SORCS1: variants seen among roughly 807,000 people sequenced by gnomAD.
SORCS1 encodes the protein VPS10 domain-containing receptor SorCS1.
Under a neutral mutation model 146.1 loss-of-function variants are expected in SORCS1, and 60 were observed. That is an observed-to-expected ratio of 0.41 (90% CI 0.33 to 0.51). SORCS1 has a LOEUF of 0.51. Ranked by LOEUF, SORCS1 falls within the 20% of genes least tolerant of loss-of-function variation. The pLI, the probability that SORCS1 is intolerant of heterozygous loss-of-function variation, is 0.21. For synonymous variants in SORCS1, 637 were observed against 584.0 expected, an observed-to-expected ratio of 1.09 and a Z score of -1.31; for missense variants, 1,352 against 1,487.6, an observed-to-expected ratio of 0.91 and a Z score of 1.50.
At chr10:106,630,849 A>T (rs1848399245) in intron 18 of SORCS1, among the ~76,000 whole-genome samples, 1 of 121,728 alleles carries the variant, frequency 8.2e-6, no homozygotes, top group Admixed American at 8.0e-5. Context: ...CCAGACCTGT[A>T]AAAAAAAAAA....
intron 10 of SORCS1, among the ~76,000 whole-genome samples, chr10:106,685,572 G>A (rs868134453): frequency 2.6e-5 from 4 of 152,074 alleles, no homozygotes; most frequent in African/African-American, 9.7e-5. Flanking sequence ...AAAGAGAAGG[G>A]CATTTTAAGA....
intron 3 of SORCS1, among the ~76,000 whole-genome samples, chr10:106,787,280 T>C (rs561918201): frequency 6.6e-6 from 1 of 152,290 alleles, no homozygotes; most frequent in African/African-American, 2.4e-5. Context: ...GGATACTTAG[T>C]GTTCCCTTCA....
intron 21 of SORCS1, among the ~76,000 whole-genome samples, chr10:106,613,265 A>G (rs539330604): frequency 6.6e-6 from 1 of 152,258 alleles, no homozygotes; most frequent in South Asian, 2.1e-4. Flanking sequence ...CAAGGATTAT[A>G]TGAGGGGAAT....
intron 1 of SORCS1, among the ~76,000 whole-genome samples, chr10:106,958,131 G>C (rs1589792858): frequency 6.6e-6 from 1 of 152,194 alleles, no homozygotes; most frequent in Non-Finnish European, 1.5e-5. Flanking sequence ...CACTTGCGAA[G>C]ATTCCACAGA....
intron 1 of SORCS1, among the ~76,000 whole-genome samples, chr10:107,010,507 C>A (rs1206491634): frequency 6.6e-6 from 1 of 152,064 alleles, no homozygotes; most frequent in Non-Finnish European, 1.5e-5. Flanking sequence ...AGTTAAACAT[C>A]CTGCATCGGT....
Position 106,989,696 on chromosome 10 carries a change from T to G in SORCS1, c.559-33116A>C, listed in dbSNP as rs541312869. 7.3e-4 allele frequency among the ~76,000 whole-genome samples: 98 copies of G among 134,054 alleles called. 3 individuals are homozygous for G. In the South Asian group the frequency reaches 0.012, roughly 16 times the overall value. The allele number at this position is 134,054 out of a possible 152,430, so 87.9% of individuals were successfully genotyped here. On this transcript the variant is annotated intron_variant, in intron 1 of 25. Coordinates refer to ENST00000263054, the MANE Select transcript of SORCS1 (RefSeq NM_052918.5). ...TTTTTTTTTGTTTTTTTTTTTTTTT[T>G]TTTTTTCTGAGATGGAGTCTCACTC...
intron 2 of SORCS1, among the ~76,000 whole-genome samples, chr10:106,912,396 T>C (rs1016725331): frequency 2.6e-5 from 4 of 152,226 alleles, no homozygotes; most frequent in African/African-American, 4.8e-5. Context: ...ATTTCTTACA[T>C]GGGAAGATCT....
chr10:106,904,337 A>T (rs77319281), intron 2 of SORCS1, among the ~76,000 whole-genome samples: 2 of 152,258 alleles, frequency 1.3e-5, no homozygotes, highest in Non-Finnish European at 2.9e-5. Context: ...ATCAAGACAC[A>T]TAAGGGCCTT....
intron 4 of SORCS1, among the ~76,000 whole-genome samples, chr10:106,774,962 C>T (rs546471143): frequency 6.6e-6 from 1 of 152,316 alleles, no homozygotes; most frequent in African/African-American, 2.4e-5. Context: ...GAAACCAACG[C>T]TAAATACTAT....
At chr10:107,105,728 T>A (rs1037199595) in intron 1 of SORCS1, among the ~76,000 whole-genome samples, 2 of 149,762 alleles carry the variant, frequency 1.3e-5, no homozygotes, top group African/African-American at 4.9e-5. Context: ...CCCACCCAGA[T>A]TGAGGGTGGG....
chr10:107,133,917 C>G (rs1344829876), intron 1 of SORCS1, among the ~76,000 whole-genome samples: 2 of 152,344 alleles, frequency 1.3e-5, no homozygotes, highest in East Asian at 3.9e-4. Flanking sequence ...GTCCTTTACA[C>G]TGTGTCAAAA....
intron 1 of SORCS1, among the ~76,000 whole-genome samples, chr10:106,978,772 T>C (rs1215646004): frequency 6.8e-6 from 1 of 147,904 alleles, no homozygotes; most frequent in Admixed American, 6.9e-5. Context: ...CACTCCAGCC[T>C]GGGCGACAGA....
chr10:106,713,451 A>ACCTAAATCTCCTCTTCAGAGGT (rs377220475), intron 6 of SORCS1, among the ~76,000 whole-genome samples: 3,442 of 152,244 alleles, frequency 0.023, 114 homozygotes, highest in African/African-American at 0.07. Context: ...TTTCCTTAAG[A>ACCTAAATCTCCTCTTCAGAGGT]CCCTGTACAA....
intron 1 of SORCS1, among the ~76,000 whole-genome samples, chr10:107,132,956 G>A (rs1330886812): frequency 2.0e-5 from 3 of 152,152 alleles, no homozygotes; most frequent in African/African-American, 7.2e-5. Flanking sequence ...GGAAGAGTCA[G>A]AGCAATTTTG....
rs200816729 is a variant in SORCS1, at chr10:106,976,209, CTGTT to C, written c.559-19633_559-19630del. Among the ~76,000 whole-genome samples the C allele has an allele frequency of 4.0e-3, 582 of 146,518 alleles. 29 individuals carry two copies. The East Asian group carries it at 0.09, about 23-fold the overall frequency. ...TTGACAGGGAAATCTGTTGCTTCAT[CTGTT>C]TTTTTTTTTTTTAATTTTCAGTTCT... On this transcript the variant is annotated intron_variant, in intron 1 of 25. Coordinates refer to ENST00000263054, the MANE Select transcript of SORCS1 (RefSeq NM_052918.5).
intron 3 of SORCS1, among the ~76,000 whole-genome samples, chr10:106,797,257 C>G (rs777480014): frequency 6.6e-6 from 1 of 152,094 alleles, no homozygotes; most frequent in Non-Finnish European, 1.5e-5. Flanking sequence ...CTCTTTTTAT[C>G]TGCATCAAAG....
chr10:107,147,709 C>T (rs1403045456), intron 1 of SORCS1, among the ~76,000 whole-genome samples: 1 of 152,150 alleles, frequency 6.6e-6, no homozygotes, highest in Non-Finnish European at 1.5e-5. Flanking sequence ...TAAAAAGATT[C>T]TATATTGCTT....
At chr10:106,670,052 C>T (rs1258875897) in intron 16 of SORCS1, among the ~76,000 whole-genome samples, 2 of 152,128 alleles carry the variant, frequency 1.3e-5, no homozygotes, top group South Asian at 2.1e-4. Flanking sequence ...AGTTCTTATA[C>T]GGGTCAAGTA....
intron 2 of SORCS1, among the ~76,000 whole-genome samples, chr10:106,918,842 TA>T (rs931458330): frequency 3.3e-5 from 5 of 150,646 alleles, no homozygotes; most frequent in African/African-American, 7.5e-5. Context: ...TAGTGTATTA[TA>T]TTTTTTTTTC....
Sources: gnomAD v4.1 joint callset for allele counts (sites outside exome capture counted in the v4.1 genomes callset) on GRCh38, gnomAD v4.1.1 for gene constraint, MANE v1.5 for transcripts, NCBI Gene and HGNC (gene_info 2026-07-23, HGNC 2026-07-21) for gene names.